Variants in THSD7A observed in about 807,000 individuals in gnomAD.
The protein encoded by THSD7A is thrombospondin type-1 domain-containing protein 7A.
In THSD7A, 96 loss-of-function variants were observed where a neutral mutation model predicts 231.3. The ratio of observed to expected loss-of-function variants is 0.41; its 90% CI spans 0.35 to 0.49. THSD7A has a LOEUF of 0.49. Among genes scored for constraint, THSD7A ranks in the 20% least tolerant of loss-of-function variants. THSD7A has a pLI of 0.05. For synonymous variants in THSD7A, 940 were observed against 743.3 expected (o/e 1.26, Z -4.30); for missense variants, 2,290 against 2,070.2 (o/e 1.11, Z -2.06).
chr7:11,748,675 C>G (rs1782395441), intron 1 of THSD7A, among the ~76,000 whole-genome samples: 1 of 151,854 alleles, frequency 6.6e-6, no homozygotes, highest in South Asian at 2.1e-4. Flanking sequence ...TCAGAGTCAA[C>G]CTCATAATTC....
At position 11,412,794 on chromosome 7, in the gene THSD7A, T is replaced by C. The variant is rs1231020380; in HGVS notation, c.3544A>G (p.Asn1182Asp). 6.2e-7 allele frequency: 1 copy of C among 1,611,386 alleles called. No individual in the cohort carries two copies. Among genetic ancestry groups the C allele is most frequent in the South Asian group, 1.1e-5 (1 of 90,646 alleles). ...GPWTQCVLPC[N>D]QSSFRQRSAD... is the part of the protein sequence containing the mutation. The stretch of plus-strand genomic sequence containing the variant: ...GACCTTTGCCGGAAACTGCTTTGAT[T>C]GCAAGGCTTAAAAAGAACAGTACAA... The change falls in exon 18 of 28, where the codon AAT (asparagine) becomes GAT (aspartate). Residue 1182 changes from asparagine (N) to aspartate (D), a missense_variant. Transcript: ENST00000423059.
intron 13 of THSD7A, among the ~76,000 whole-genome samples, chr7:11,442,031 C>G (rs1401765801): frequency 6.6e-6 from 1 of 151,972 alleles, no homozygotes; most frequent in Non-Finnish European, 1.5e-5. Flanking sequence ...TATAGTGACA[C>G]CTTCCAATAT....
chr7:11,465,558 A>G (rs17164625), intron 9 of THSD7A, among the ~76,000 whole-genome samples: 5,125 of 152,204 alleles, frequency 0.034, 303 homozygotes, highest in African/African-American at 0.12. Flanking sequence ...AAAAGGATTT[A>G]AAAGGCAGGC....
intron 4 of THSD7A, among the ~76,000 whole-genome samples, chr7:11,581,568 C>A (rs1263862938): frequency 6.6e-6 from 1 of 152,046 alleles, no homozygotes; most frequent in African/African-American, 2.4e-5. Flanking sequence ...ATGTTTCTAT[C>A]CTTCAATTTT....
Position 11,447,372 on chromosome 7 carries a change from T to C in THSD7A, c.2658A>G (p.Leu886=), listed in dbSNP as rs147019439. ...DGGQAGIHEC[L]QYAGPVPALT... is the part of the protein sequence containing the mutation. ...GGGCTGGCACAGGGCCTGCATACTG[T>C]AGGCACTCATGGATTCCAGCCTGTC... Residue 886 remains leucine (L), a synonymous_variant, in exon 12 of 28, where the codon CTA becomes CTG. Transcript: ENST00000423059. The C allele has an allele frequency of 1.2e-4, 194 of 1,608,942 alleles. No homozygotes were observed. The East Asian group carries it at 3.9e-3, about 33-fold the overall frequency.
rs890753256 is a variant in THSD7A at position 11,637,680 on chromosome 7, T to C, written c.191-719A>G. ...CAATTTTCTAATCATTGAGAGGTTATTTGGGGTCTTATTTATTTATTCATT... is the reference window on the plus strand; with the variant it reads ...CAATTTTCTAATCATTGAGAGGTTACTTGGGGTCTTATTTATTTATTCATT... On this transcript the variant is annotated intron_variant, in intron 1 of 27. Coordinates refer to ENST00000423059, the MANE Select transcript of THSD7A (RefSeq NM_015204.3). This position sits in a 1 kb window ranked among gnomAD's most constrained non-coding sequence, Gnocchi z 4.2. 6.6e-6 allele frequency among the ~76,000 whole-genome samples: 1 copy of C among 152,198 alleles called. No individual in the cohort carries two copies. Among genetic ancestry groups the C allele is most frequent in the Non-Finnish European group, 1.5e-5 (1 of 68,030 alleles).
intron 11 of THSD7A, among the ~76,000 whole-genome samples, chr7:11,449,992 A>G (rs1390132834): frequency 6.6e-6 from 1 of 152,032 alleles, no homozygotes; most frequent in Non-Finnish European, 1.5e-5. Flanking sequence ...TACCAAACTA[A>G]ATTTGGGTTA....
At chr7:11,549,611 A>G (rs2128325593) in intron 4 of THSD7A, among the ~76,000 whole-genome samples, 1 of 152,300 alleles carries the variant, frequency 6.6e-6, no homozygotes, top group South Asian at 2.1e-4. Context: ...AAAAGGAATG[A>G]GATCATGTCT....
intron 1 of THSD7A, among the ~76,000 whole-genome samples, chr7:11,649,809 A>G (rs1397863354): frequency 6.6e-6 from 1 of 152,020 alleles, no homozygotes; most frequent in African/African-American, 2.4e-5. Flanking sequence ...ACAGACTGTT[A>G]AGGGTGCCAC....
chr7:11,411,216 A>G lies in THSD7A; in HGVS notation c.3789T>C (p.Tyr1263=). 3 of 1,612,984 alleles carry G rather than the reference A, an allele frequency of 1.9e-6. No individual in the cohort carries two copies. Among genetic ancestry groups the G allele is most frequent in the Non-Finnish European group, 2.5e-6 (3 of 1,179,216 alleles). The change falls in exon 19 of 28, where the codon TAT becomes TAC. Residue 1263 remains tyrosine (Y), a synonymous_variant. Transcript: ENST00000423059. The surrounding 1 kb of genome is among the most constrained non-coding windows in gnomAD (Gnocchi z 4.1). The part of the protein sequence containing the change: ...RSDGKSVDLK[Y]CEALGLEKNW... ...CACAGCATCCACCTACCGCTTCACA[A>G]TATTTCAGGTCAACTGACTTGCCAT...
At chr7:11,787,355 T>A (rs12531861) in intron 1 of THSD7A, among the ~76,000 whole-genome samples, 33,747 of 151,788 alleles carry the variant, frequency 0.22, 4,159 homozygotes, top group East Asian at 0.35. Context: ...GGATATAGAA[T>A]TTTTTTTAGA....
intron 17 of THSD7A, among the ~76,000 whole-genome samples, chr7:11,416,413 A>T (rs999327330): frequency 1.3e-5 from 2 of 152,244 alleles, no homozygotes; most frequent in African/African-American, 4.8e-5. Flanking sequence ...AGTGTAGCAT[A>T]TAGCCCAATT....
intron 1 of THSD7A, among the ~76,000 whole-genome samples, chr7:11,703,015 T>G (rs1403866517): frequency 6.6e-6 from 1 of 151,230 alleles, no homozygotes; most frequent in Non-Finnish European, 1.5e-5. Context: ...GAAACTCTTT[T>G]AAACAACTCT....
At chr7:11,644,284 T>C in intron 1 of THSD7A, among the ~76,000 whole-genome samples, 1 of 151,990 alleles carries the variant, frequency 6.6e-6, no homozygotes, top group East Asian at 1.9e-4. Context: ...GACTGGTATC[T>C]GAATGCCTAG....
At chr7:11,401,357 G>C (rs141269992) in intron 23 of THSD7A, among the ~76,000 whole-genome samples, 88 of 152,218 alleles carry the variant, frequency 5.8e-4, no homozygotes, top group African/African-American at 1.9e-3. Context: ...TTAGAATTCA[G>C]AATCTTCCCC....
chr7:11,773,455 G>A (rs563533793), intron 1 of THSD7A, among the ~76,000 whole-genome samples: 114 of 152,074 alleles, frequency 7.5e-4, no homozygotes, highest in Non-Finnish European at 8.1e-4. Flanking sequence ...GCTTGAACCC[G>A]GGAGGCAGAG....
At chr7:11,397,854 C>T (rs897262866) in intron 23 of THSD7A, among the ~76,000 whole-genome samples, 18 of 152,082 alleles carry the variant, frequency 1.2e-4, no homozygotes, top group Admixed American at 5.9e-4. Context: ...AATGAGATAC[C>T]ATCTCACACC....
chr7:11,495,947 G>T (rs190953003), intron 6 of THSD7A, among the ~76,000 whole-genome samples: 356 of 152,238 alleles, frequency 2.3e-3, no homozygotes, highest in African/African-American at 8.2e-3. Flanking sequence ...TCAATGGAAA[G>T]AATACTAATA....
chr7:11,766,834 A>T (rs1783044350), intron 1 of THSD7A, among the ~76,000 whole-genome samples: 1 of 152,184 alleles, frequency 6.6e-6, no homozygotes, highest in Admixed American at 6.5e-5. Context: ...CACAGGATTA[A>T]AGAACAACCA....
Sources: allele counts gnomAD v4.1 joint callset (sites outside exome capture counted in the v4.1 genomes callset), GRCh38; gene constraint gnomAD v4.1.1; non-coding constraint Gnocchi (gnomAD v3.1); transcripts MANE v1.5; gene names NCBI Gene and HGNC (gene_info 2026-07-23, HGNC 2026-07-21).